HS6ST2: variants seen among roughly 807,000 people sequenced by gnomAD.
HS6ST2 encodes the protein heparan-sulfate 6-O-sulfotransferase 2.
HS6ST2 carries 17 observed loss-of-function variants against 33.0 expected under a neutral mutation model. The ratio of observed to expected loss-of-function variants is 0.52; its 90% CI spans 0.35 to 0.77. HS6ST2 has a LOEUF of 0.77. Among genes scored for constraint, HS6ST2 ranks in the 30% least tolerant of loss-of-function variants. The pLI is 0.01. For missense variants in HS6ST2, 519 were observed against 551.7 expected (o/e 0.94, Z 0.59); for synonymous variants, 248 against 237.1 (o/e 1.05, Z -0.42).
At chrX:132,741,617 C>T (rs1365634786) in intron 2 of HS6ST2, among the ~76,000 whole-genome samples, 1 of 111,171 alleles carries the variant, frequency 9.0e-6, no homozygotes, top group Non-Finnish European at 1.9e-5. Flanking sequence ...GCCTCAGATT[C>T]GTTTCAGCTT....
rs1250341726 is a variant in HS6ST2, at chrX:132,781,125, A to G, written c.948-72631T>C. 3.6e-5 allele frequency among the ~76,000 whole-genome samples: 4 copies of G among 112,368 alleles called. No homozygotes were observed. In the East Asian group the frequency reaches 1.1e-3, roughly 31 times the overall value. On this transcript the variant is annotated intron_variant, in intron 2 of 4. Coordinates refer to ENST00000370833, the MANE Select transcript of HS6ST2 (RefSeq NM_001394073.1). ...TGTCTTACCAAAAACTAGAAAGGAT[A>G]AGACTGTTTTCTGTTGGGTCAGTGA...
chrX:132,825,706 G>A (rs900290195), intron 2 of HS6ST2, among the ~76,000 whole-genome samples: 3 of 111,787 alleles, frequency 2.7e-5, no homozygotes, highest in Non-Finnish European at 5.6e-5. Context: ...CCCTAATCAG[G>A]AACATGCTAG....
chrX:132,957,937 G>A (rs758682649), intron 1 of HS6ST2, among the ~76,000 whole-genome samples: 1 of 112,061 alleles, frequency 8.9e-6, no homozygotes, highest in African/African-American at 3.2e-5. Flanking sequence ...GGAATGAGCC[G>A]GCCGGCAGCC....
At position 132,772,517 on chromosome X, in the gene HS6ST2, T is replaced by C. The variant is rs926280418; in HGVS notation, c.948-64023A>G. Among the ~76,000 whole-genome samples the C allele has an allele frequency of 5.4e-4, 57 of 106,192 alleles. 2 individuals carry two copies. Among genetic ancestry groups the C allele is most frequent in the Admixed American group, 6.4e-4 (6 of 9,384 alleles). 92.2% of individuals were successfully genotyped at this position (106,192 alleles called of 115,157 possible). ...AATATATATATAATTAATATATGTA[T>C]ATATTGCATACAATATAAATAATTG... is the stretch of plus-strand genomic sequence containing the variant. On this transcript the variant is annotated intron_variant, in intron 2 of 4. Coordinates refer to ENST00000370833, the MANE Select transcript of HS6ST2 (RefSeq NM_001394073.1).
chrX:132,860,827 A>T (rs1313288263), intron 2 of HS6ST2, among the ~76,000 whole-genome samples: 1 of 79,014 alleles, frequency 1.3e-5, no homozygotes, highest in Non-Finnish European at 2.2e-5. Flanking sequence ...TTGCTGTGTC[A>T]CCCAGGCTGG....
intron 2 of HS6ST2, among the ~76,000 whole-genome samples, chrX:132,776,738 G>A (rs776505954): frequency 9.1e-6 from 1 of 109,637 alleles, no homozygotes; most frequent in Non-Finnish European, 1.9e-5. Context: ...ATTCACTCAA[G>A]CCAGTCAGTT....
chrX:132,793,048 CTTTTTTTTTTTTTTTTTT>C (rs755535720), intron 2 of HS6ST2, among the ~76,000 whole-genome samples: 2 of 53,247 alleles, frequency 3.8e-5, no homozygotes, highest in Non-Finnish European at 6.3e-5. Flanking sequence ...AAATAAACTC[CTTTTTTTTTTTTTTTTTT>C]TTTTTTTTTT....
chrX:132,890,380 A>T (rs2066295945), intron 2 of HS6ST2, among the ~76,000 whole-genome samples: 1 of 107,336 alleles, frequency 9.3e-6, no homozygotes, highest in African/African-American at 3.4e-5. Context: ...AAATGATGGA[A>T]ATGCATTAGG....
chrX:132,758,829 G>A (rs1024320671), intron 2 of HS6ST2, among the ~76,000 whole-genome samples: 1 of 111,774 alleles, frequency 8.9e-6, no homozygotes, highest in African/African-American at 3.3e-5. Flanking sequence ...TGAGCATCAA[G>A]CCAACTGGAG....
chrX:132,667,779 T>G (rs2063820202), intron 4 of HS6ST2: 1 of 112,362 alleles, frequency 8.9e-6, no homozygotes, highest in Admixed American at 9.4e-5. Flanking sequence ...AGCATGGAGT[T>G]AAAAGAAGTT....
rs1375448671 is a variant in HS6ST2 at position 132,801,438 on chromosome X, T to C, written c.948-92944A>G. ...GTTTTACTGCCTTGAAAATTGAATA[T>C]TGATTATGAGACAAAGTATGGAAAG... is the stretch of plus-strand genomic sequence containing the variant. On this transcript the variant is annotated intron_variant, in intron 2 of 4. Transcript: ENST00000370833. Among the ~76,000 whole-genome samples the C allele has an allele frequency of 2.7e-5, 3 of 112,132 alleles. No homozygotes were observed. The Admixed American group carries it at 2.9e-4, about 11-fold the overall frequency.
intron 2 of HS6ST2, among the ~76,000 whole-genome samples, chrX:132,729,160 G>A (rs1367603735): frequency 8.9e-6 from 1 of 112,618 alleles, no homozygotes; most frequent in East Asian, 2.8e-4. Flanking sequence ...AGAAAAATCC[G>A]AGTGATAGGA....
chrX:132,783,246 G>T (rs1170419739), intron 2 of HS6ST2, among the ~76,000 whole-genome samples: 2 of 111,593 alleles, frequency 1.8e-5, no homozygotes, highest in Admixed American at 9.5e-5. Context: ...GAATACCCTG[G>T]TGCCTGGTGC....
intron 2 of HS6ST2, among the ~76,000 whole-genome samples, chrX:132,941,923 A>G (rs1040249515): frequency 4.5e-5 from 5 of 112,211 alleles, no homozygotes; most frequent in Admixed American, 2.8e-4. Context: ...TTTAAAAAAT[A>G]CCTTGCTTCA....
chrX:132,866,806 TTG>T (rs1423170859), intron 2 of HS6ST2, among the ~76,000 whole-genome samples: 1 of 97,650 alleles, frequency 1.0e-5, no homozygotes, highest in Non-Finnish European at 2.0e-5. Context: ...ATAAGAATGC[TTG>T]TGATTTTTGT....
intron 2 of HS6ST2, among the ~76,000 whole-genome samples, chrX:132,807,428 G>A (rs1298731081): frequency 2.9e-5 from 3 of 104,821 alleles, no homozygotes; most frequent in Non-Finnish European, 6.2e-5. Context: ...TCACTAAAGA[G>A]AGCCTAAAGA....
In HS6ST2 at chrX:132,647,187, T is replaced by A. The variant is rs192503824; in HGVS notation, c.1068-18094A>T. Among the ~76,000 whole-genome samples the A allele has an allele frequency of 2.3e-4, 26 of 111,339 alleles. No homozygotes were observed. In the East Asian group the frequency reaches 7.4e-3, roughly 32 times the overall value. On this transcript the variant is annotated intron_variant, in intron 4 of 4. Transcript: ENST00000370833. ...CCTTCCTCTCTCAGTCTTCTCCACA[T>A]CCCACCTCATGCTGTGTGCATCCCC... is the stretch of plus-strand genomic sequence containing the variant.
chrX:132,885,563 A>C (rs2066241509), intron 2 of HS6ST2, among the ~76,000 whole-genome samples: 1 of 111,754 alleles, frequency 8.9e-6, no homozygotes, highest in Admixed American at 9.6e-5. Flanking sequence ...AGGAAAGAAT[A>C]TACAGTCATA....
chrX:132,757,860 A>G (rs997834702), intron 2 of HS6ST2, among the ~76,000 whole-genome samples: 1 of 112,093 alleles, frequency 8.9e-6, no homozygotes, highest in Non-Finnish European at 1.9e-5. Context: ...TAACTGCAGC[A>G]AAATACAAAA....
Sources: allele counts gnomAD v4.1 joint callset (sites outside exome capture counted in the v4.1 genomes callset), GRCh38; gene constraint gnomAD v4.1.1; transcripts MANE v1.5; gene names NCBI Gene and HGNC (gene_info 2026-07-23, HGNC 2026-07-21).